The following XKR9 variants were observed in gnomAD, a reference collection of about 807,000 sequenced individuals.
The protein encoded by XKR9 is XK related 9.
A neutral mutation model predicts 32.0 loss-of-function variants in XKR9; 32 were observed. The observed-to-expected ratio is 1.00, with a 90% CI of 0.76 to 1.34. The LOEUF is 1.34. Ranked by LOEUF, XKR9 falls within the 40% of genes most tolerant of loss-of-function variation. The probability of loss-of-function intolerance (pLI) is 0.00; values close to 1 mark genes in which losing one functional copy is unlikely to be tolerated. For missense variants in XKR9, 546 were observed against 429.7 expected, an observed-to-expected ratio of 1.27 and a Z score of -2.39; for synonymous variants, 168 against 143.4, an observed-to-expected ratio of 1.17 and a Z score of -1.22.
intron 4 of XKR9, among the ~76,000 whole-genome samples, chr8:70,724,443 A>C (rs1488515987): frequency 6.6e-6 from 1 of 151,752 alleles, no homozygotes; most frequent in Non-Finnish European, 1.5e-5. Flanking sequence ...AAAAAAAAAA[A>C]AAACTCCTGC....
the XKR9 span, among the ~76,000 whole-genome samples, chr8:70,914,663 C>A: frequency 6.6e-6 from 1 of 152,206 alleles, no homozygotes; most frequent in Non-Finnish European, 1.5e-5. Flanking sequence ...TTCTACCACT[C>A]ATTGGCTTCC....
At chr8:70,893,178 C>A in the XKR9 span, among the ~76,000 whole-genome samples, 1 of 151,844 alleles carries the variant, frequency 6.6e-6, no homozygotes, top group Non-Finnish European at 1.5e-5. Context: ...TGTGAGATTT[C>A]TATTTGGTTC....
At chr8:71,057,897 A>T in the XKR9 span, among the ~76,000 whole-genome samples, 1 of 152,158 alleles carries the variant, frequency 6.6e-6, no homozygotes, top group East Asian at 1.9e-4. Context: ...TAAATTAATA[A>T]ATTGGGGCCA....
intron 2 of XKR9, among the ~76,000 whole-genome samples, chr8:70,742,338 C>T (rs529559986): frequency 1.7e-4 from 26 of 152,306 alleles, no homozygotes; most frequent in African/African-American, 6.3e-4. Flanking sequence ...AATTACATAG[C>T]TCCCTGTTTC....
the XKR9 span, among the ~76,000 whole-genome samples, chr8:70,888,962 T>G: frequency 6.6e-6 from 1 of 152,020 alleles, no homozygotes; most frequent in African/African-American, 2.4e-5. Context: ...ATTTAAATTT[T>G]AGAATTTTTT....
At chr8:70,899,422 G>A in the XKR9 span, among the ~76,000 whole-genome samples, 1,393 of 149,260 alleles carry the variant, frequency 9.3e-3, 19 homozygotes, top group African/African-American at 0.033. Context: ...CCCTTTGCCA[G>A]GAAGACAGTT....
At chr8:70,697,052 G>A (rs1362194175) in intron 3 of XKR9, among the ~76,000 whole-genome samples, 39 of 146,392 alleles carry the variant, frequency 2.7e-4, no homozygotes, top group East Asian at 5.8e-4. Context: ...AGACTTTGCC[G>A]AAGTTGCTTA....
At chr8:70,898,315 A>T in the XKR9 span, among the ~76,000 whole-genome samples, 2 of 152,152 alleles carry the variant, frequency 1.3e-5, no homozygotes, top group Non-Finnish European at 2.9e-5. Flanking sequence ...TGTTTTGGTT[A>T]CTATAGCTCT....
chr8:70,736,045 T>G (rs977545353), downstream of XKR9: 5 of 152,250 alleles, frequency 3.3e-5, no homozygotes, highest in Admixed American at 2.0e-4. Flanking sequence ...CCACACTGAC[T>G]TCCACAATAG....
chr8:70,839,831 C>A, the XKR9 span, among the ~76,000 whole-genome samples: 2 of 152,148 alleles, frequency 1.3e-5, no homozygotes, highest in African/African-American at 4.8e-5. Context: ...GTGGCAATAC[C>A]CTTACATGGA....
At chr8:70,905,131 G>T in the XKR9 span, among the ~76,000 whole-genome samples, 3 of 152,052 alleles carry the variant, frequency 2.0e-5, no homozygotes, top group Non-Finnish European at 4.4e-5. Context: ...GTATCTTTGT[G>T]GCGTTCTCTG....
At chr8:70,772,703 T>G (rs1807469219) in intron 2 of XKR9, among the ~76,000 whole-genome samples, 1 of 152,174 alleles carries the variant, frequency 6.6e-6, no homozygotes, top group South Asian at 2.1e-4. Flanking sequence ...AAAATTATTA[T>G]ATTTATGTAG....
intron 4 of XKR9, among the ~76,000 whole-genome samples, chr8:70,727,869 G>T (rs1806528500): frequency 6.6e-6 from 1 of 151,770 alleles, no homozygotes; most frequent in African/African-American, 2.4e-5. Flanking sequence ...ATCGATCTGG[G>T]TAGTGCCACC....
At chr8:70,943,345 T>C in the XKR9 span, among the ~76,000 whole-genome samples, 3 of 152,132 alleles carry the variant, frequency 2.0e-5, no homozygotes, top group African/African-American at 7.2e-5. Context: ...ATAAGGCTTT[T>C]TGGCTGCAAA....
At chr8:70,744,738 T>A (rs999486198) in intron 2 of XKR9, among the ~76,000 whole-genome samples, 2 of 152,208 alleles carry the variant, frequency 1.3e-5, no homozygotes, top group African/African-American at 4.8e-5. Context: ...CTCAGGTAGC[T>A]GGGACTACAG....
chr8:70,719,742 G>T (rs746987553), intron 4 of XKR9, among the ~76,000 whole-genome samples: 1 of 152,008 alleles, frequency 6.6e-6, no homozygotes, highest in Non-Finnish European at 1.5e-5. Context: ...CTCCAGCTTT[G>T]ATCTTTTTGC....
the XKR9 span, among the ~76,000 whole-genome samples, chr8:71,024,015 C>T: frequency 6.6e-6 from 1 of 152,150 alleles, no homozygotes; most frequent in Non-Finnish European, 1.5e-5. Flanking sequence ...CCCATGTCTC[C>T]AGCTGGCATG....
chr8:70,878,344 A>G, the XKR9 span, among the ~76,000 whole-genome samples: 1 of 152,312 alleles, frequency 6.6e-6, no homozygotes, highest in South Asian at 2.1e-4. Context: ...TGCCCCAATT[A>G]AAAGACTCAG....
the XKR9 span, among the ~76,000 whole-genome samples, chr8:71,028,947 T>C: frequency 6.8e-6 from 1 of 146,174 alleles, no homozygotes; most frequent in South Asian, 2.2e-4. Flanking sequence ...GGAGGATTTA[T>C]GACAGTATTA....
Sources: allele counts gnomAD v4.1 joint callset (sites outside exome capture counted in the v4.1 genomes callset), GRCh38; gene constraint gnomAD v4.1.1; transcripts MANE v1.5; gene names NCBI Gene and HGNC (gene_info 2026-07-23, HGNC 2026-07-21).